The following TMEM218 variants were observed in gnomAD, a reference collection of about 807,000 sequenced individuals.
The protein encoded by TMEM218 is transmembrane protein 218.
TMEM218 carries 8 observed loss-of-function variants against 10.0 expected under a neutral mutation model. That is an observed-to-expected ratio of 0.80 (90% confidence interval 0.47 to 1.44). TMEM218 has a LOEUF of 1.44. TMEM218 is among the 40% of genes most tolerant of loss of function. The probability of loss-of-function intolerance (pLI) is 0.00; values close to 1 mark genes in which losing one functional copy is unlikely to be tolerated. For synonymous variants in TMEM218, 66 were observed against 63.5 expected (o/e 1.04, Z -0.18); for missense variants, 110 against 140.1 (o/e 0.79, Z 1.08).
chr11:125,097,451 G>T lies in TMEM218; in HGVS notation c.*155C>A. On this transcript the variant is annotated 3_prime_UTR_variant, in exon 5 of 5. Transcript: ENST00000682305. ...CAATTTGGCAATCCTGTTTCTGGAA[G>T]CCAGGACTCCAGAGATTTGTCTTAG... 4 of 778,470 alleles carry T rather than the reference G, an allele frequency of 5.1e-6. No homozygotes were observed. The highest frequency in any genetic ancestry group is 7.7e-6 in the Non-Finnish European group (4 of 521,434). The allele number at this position is 778,470 out of a possible 1,614,324, so 48.2% of individuals were successfully genotyped here.
chr11:125,111,501 CT>C (rs747707596), intron 1 of TMEM218, 37 bp downstream of exon 1: 5 of 152,796 alleles, frequency 3.3e-5, no homozygotes, highest in African/African-American at 9.7e-5. Flanking sequence ...CGACCCTCCA[CT>C]TTTCTCCCTT....
chr11:125,098,330 C>G (rs746834390), intron 4 of TMEM218, among the ~76,000 whole-genome samples: 8 of 152,126 alleles, frequency 5.3e-5, no homozygotes, highest in Non-Finnish European at 5.9e-5. Context: ...GTAACTTGCC[C>G]CAAAGCAGAC....
At chr11:125,102,496 G>A (rs1380043242) in intron 2 of TMEM218, 179 bp from the exon 3 acceptor site, 3 of 1,460,302 alleles carry the variant, frequency 2.1e-6, no homozygotes, top group Non-Finnish European at 2.7e-6. Context: ...TCTTTGGTGG[G>A]GACTGAGAGG....
chr11:125,097,426 C>A lies in TMEM218; in HGVS notation c.*180G>T, dbSNP rs1020558809. 5 of 587,092 alleles carry A rather than the reference C, an allele frequency of 8.5e-6. No homozygotes were observed. The highest frequency in any genetic ancestry group is 5.6e-5 in the African/African-American group (3 of 53,230). The allele number at this position is 587,092 out of a possible 1,614,324, so 36.4% of individuals were successfully genotyped here. A position where few individuals can be genotyped will look rare whatever the true frequency, so the allele number is the denominator to read the frequency against. On this transcript the variant is annotated 3_prime_UTR_variant, in exon 5 of 5. Transcript: ENST00000682305. ...TGGTAAGAATCTAGCCCCACAGGGACAATTTGGCAATCCTGTTTCTGGAAG... is the reference window on the plus strand; with the variant it reads ...TGGTAAGAATCTAGCCCCACAGGGAAAATTTGGCAATCCTGTTTCTGGAAG...
intron 4 of TMEM218, 27 bp downstream of exon 4, chr11:125,101,174 G>A: frequency 6.3e-7 from 1 of 1,589,852 alleles, no homozygotes; most frequent in Non-Finnish European, 8.6e-7. Flanking sequence ...CACAGCTCAG[G>A]AGGCAAAACG....
intron 4 of TMEM218, among the ~76,000 whole-genome samples, chr11:125,099,311 C>T (rs982858129): frequency 8.5e-5 from 13 of 152,158 alleles, no homozygotes; most frequent in African/African-American, 2.7e-4. Context: ...TTTGCTCGTT[C>T]GACACGTTTC....
intron 1 of TMEM218, among the ~76,000 whole-genome samples, chr11:125,107,765 T>C (rs1436492270): frequency 6.7e-6 from 1 of 148,172 alleles, no homozygotes; most frequent in East Asian, 2.0e-4. Flanking sequence ...GAATATATTT[T>C]AAACTTTCAT....
At chr11:125,106,556 C>T (rs1251132635) in intron 1 of TMEM218, among the ~76,000 whole-genome samples, 2 of 152,092 alleles carry the variant, frequency 1.3e-5, no homozygotes, top group Non-Finnish European at 2.9e-5. Flanking sequence ...AAAGAGGATA[C>T]CTGAATGAGA....
rs2135949267 is a variant in TMEM218, at chr11:125,108,497, G to A, written c.-153+3042C>T. On this transcript the variant is annotated intron_variant, in intron 1 of 4. Transcript: ENST00000682305. The surrounding 1 kb of genome is among the most constrained non-coding windows in gnomAD (Gnocchi z 5.3). ...CTAGAATACATAATGAAGTACAGTA[G>A]TCAGATGCTTGCACCTAAACTTAGA... 6.6e-6 allele frequency among the ~76,000 whole-genome samples: 1 copy of A among 152,308 alleles called. No individual in the cohort carries two copies. Among genetic ancestry groups the A allele is most frequent in the Admixed American group, 6.5e-5 (1 of 15,308 alleles).
intron 3 of TMEM218, 188 bp from the exon 4 acceptor site, chr11:125,101,491 A>G: frequency 2.6e-6 from 4 of 1,523,982 alleles, no homozygotes; most frequent in Non-Finnish European, 3.5e-6. Context: ...AGCTGGGTGC[A>G]TTCCCATTTA....
At chr11:125,111,069 C>T (rs1953851819) in intron 1 of TMEM218, among the ~76,000 whole-genome samples, 1 of 152,180 alleles carries the variant, frequency 6.6e-6, no homozygotes, top group Non-Finnish European at 1.5e-5. Context: ...TAGGTCTCTT[C>T]CTTGCATCCC....
chr11:125,105,855 A>G (rs866706909), intron 1 of TMEM218, among the ~76,000 whole-genome samples: 3 of 152,202 alleles, frequency 2.0e-5, no homozygotes, highest in Non-Finnish European at 4.4e-5. Flanking sequence ...GAAAATGGAA[A>G]ATACAAAATA....
At chr11:125,102,516 G>T in intron 2 of TMEM218, 199 bp from the exon 3 acceptor site, 1 of 1,442,342 alleles carries the variant, frequency 6.9e-7, no homozygotes, top group Non-Finnish European at 9.1e-7. Flanking sequence ...GGTGTTTTCC[G>T]CTCTGCGCTC....
Position 125,097,493 on chromosome 11 carries a change from C to T in TMEM218, c.*113G>A. 2.4e-6 allele frequency: 3 copies of T among 1,247,674 alleles called. No homozygotes were observed. The highest frequency in any genetic ancestry group is 3.3e-6 in the Non-Finnish European group (3 of 897,706). 77.3% of individuals were successfully genotyped at this position (1,247,674 alleles called of 1,614,324 possible). On this transcript the variant is annotated 3_prime_UTR_variant, in exon 5 of 5. Coordinates refer to ENST00000682305, the MANE Select transcript of TMEM218 (RefSeq NM_001258244.2). Reference sequence around the variant, plus strand: ...TTGTCTTAGTGATGGACAGATACTCCTCTAACCTTAAGGCATGAGGGCTGT... The same window carrying T: ...TTGTCTTAGTGATGGACAGATACTCTTCTAACCTTAAGGCATGAGGGCTGT...
chr11:125,105,608 T>C (rs921465831), intron 1 of TMEM218, among the ~76,000 whole-genome samples: 5 of 152,338 alleles, frequency 3.3e-5, no homozygotes, highest in East Asian at 1.9e-4. Flanking sequence ...AACAGTTATA[T>C]GGTAGATGGA....
chr11:125,103,757 C>T (rs984057077), intron 1 of TMEM218: 1 of 152,206 alleles, frequency 6.6e-6, no homozygotes, highest in East Asian at 1.9e-4. Flanking sequence ...ACCACACTAC[C>T]TCTCCTGGTT....
At position 125,095,107 on chromosome 11, in the gene TMEM218, G is replaced by T. The variant is rs1025697770; in HGVS notation, c.*2499C>A. 6.6e-6 allele frequency among the ~76,000 whole-genome samples: 1 copy of T among 152,182 alleles called. No homozygotes were observed. The highest frequency in any genetic ancestry group is 2.4e-5 in the African/African-American group (1 of 41,426). On this transcript the variant is annotated 3_prime_UTR_variant, in exon 5 of 5. Transcript: ENST00000682305. Reference sequence around the variant, plus strand: ...TACCCATTGTGATCTCCATTGTGGGGATAGGGTGGTATCCTCCTAATTCAG... The same window carrying T: ...TACCCATTGTGATCTCCATTGTGGGTATAGGGTGGTATCCTCCTAATTCAG...
At chr11:125,106,911 C>T (rs992756554) in intron 1 of TMEM218, among the ~76,000 whole-genome samples, 8 of 152,184 alleles carry the variant, frequency 5.3e-5, no homozygotes, top group Non-Finnish European at 8.8e-5. Context: ...AAACCTTAAA[C>T]AATCCAAATA....
chr11:125,102,224 G>C lies in TMEM218; in HGVS notation c.18C>G (p.Leu6=), dbSNP rs148295283. The C allele has an allele frequency of 1.2e-6, 2 of 1,612,864 alleles. No homozygotes were observed. The highest frequency in any genetic ancestry group is 2.2e-5 in the South Asian group (2 of 90,978). Residue 6 remains leucine, a synonymous_variant, in exon 3 of 5, where the codon CTC becomes CTG. Coordinates refer to ENST00000682305, the MANE Select transcript of TMEM218 (RefSeq NM_001258244.2). MAGTV[L]GVGAGVFILA... ...AGATGAACACGCCCGCACCGACTCC[G>C]AGCACAGTGCCAGCCATCCCGCGGG...
Sources: allele counts gnomAD v4.1 joint callset (sites outside exome capture counted in the v4.1 genomes callset), GRCh38; gene constraint gnomAD v4.1.1; non-coding constraint Gnocchi (gnomAD v3.1); transcripts MANE v1.5; gene names NCBI Gene and HGNC (gene_info 2026-07-23, HGNC 2026-07-21).